The following ZNF346 variants were observed in gnomAD, a reference collection of about 807,000 sequenced individuals.
ZNF346 encodes zinc finger protein 346.
Under a neutral mutation model 33.7 loss-of-function variants are expected in ZNF346, and 23 were observed. The ratio of observed to expected loss-of-function variants is 0.68; its 90% CI spans 0.49 to 0.97. The LOEUF (loss-of-function observed/expected upper bound fraction) is 0.97. ZNF346 is among the 50% of genes least tolerant of loss of function. ZNF346 has a pLI of 0.00. For missense variants in ZNF346, 340 were observed against 371.1 expected (o/e 0.92, Z 0.69); for synonymous variants, 134 against 142.4 (o/e 0.94, Z 0.42).
chr5:177,041,058 G>A lies in ZNF346; in HGVS notation c.176-68G>A, dbSNP rs1779271571. ...TCATTCAGTGCCTGTGTTTGAGGCAGGGTTCAAAGGCAGTGCTGTTGAGGT... is the reference window on the plus strand; with the variant it reads ...TCATTCAGTGCCTGTGTTTGAGGCAAGGTTCAAAGGCAGTGCTGTTGAGGT... On this transcript the variant is annotated intron_variant, in intron 1 of 6. Transcript: ENST00000358149. 4.1e-6 allele frequency: 5 copies of A among 1,215,918 alleles called. No homozygotes were observed. The African/African-American group carries it at 4.5e-5, about 11-fold the overall frequency. The allele number at this position is 1,215,918 out of a possible 1,614,324, so 75.3% of individuals were successfully genotyped here.
chr5:177,052,465 T>TA (rs1283000901), intron 5 of ZNF346: 4 of 150,302 alleles, frequency 2.7e-5, no homozygotes, highest in African/African-American at 4.9e-5. Flanking sequence ...TTAGAGGCAT[T>TA]AGCCACCAAG....
At chr5:177,039,154 G>A (rs1779005166) in intron 1 of ZNF346, among the ~76,000 whole-genome samples, 1 of 151,892 alleles carries the variant, frequency 6.6e-6, no homozygotes. Flanking sequence ...GCCTCCCAAA[G>A]TGCTAAGATT....
intron 1 of ZNF346, among the ~76,000 whole-genome samples, chr5:177,027,002 A>T (rs1776878966): frequency 2.6e-5 from 4 of 152,132 alleles, no homozygotes; most frequent in Admixed American, 2.0e-4. Context: ...TCTCATTTTA[A>T]TATCTCTCTG....
intron 2 of ZNF346, 137 bp from the exon 3 acceptor site, chr5:177,041,641 G>C: frequency 1.6e-6 from 1 of 628,604 alleles, no homozygotes; most frequent in Non-Finnish European, 2.9e-6. Flanking sequence ...CACAGAGCAG[G>C]AACTCAAACT....
At chr5:177,078,338 T>C (rs1783849824) in intron 8 of ZNF346, among the ~76,000 whole-genome samples, 1 of 152,148 alleles carries the variant, frequency 6.6e-6, no homozygotes, top group South Asian at 2.1e-4. Flanking sequence ...TCAGAGGCTC[T>C]ACCTGGAGCT....
intron 4 of ZNF346, among the ~76,000 whole-genome samples, chr5:177,045,175 G>C (rs1779865667): frequency 6.6e-6 from 1 of 152,108 alleles, no homozygotes; most frequent in African/African-American, 2.4e-5. Flanking sequence ...TTTAACCTCT[G>C]CTAATTGCAA....
In ZNF346 at chr5:177,038,828, G is replaced by A. The variant is rs1778914896; in HGVS notation, c.176-2298G>A. Among the ~76,000 whole-genome samples, 4 of 151,596 alleles carry A rather than the reference G, an allele frequency of 2.6e-5. No homozygotes were observed. In the South Asian group the frequency reaches 8.3e-4, roughly 32 times the overall value. Reference sequence around the variant, plus strand: ...ACCTTCCCCATGTGGGTTTCTTATTGTGAGAAGCCTCTGACCCTCTTTTTT... The same window carrying A: ...ACCTTCCCCATGTGGGTTTCTTATTATGAGAAGCCTCTGACCCTCTTTTTT... On this transcript the variant is annotated intron_variant, in intron 1 of 6. Transcript: ENST00000358149.
In ZNF346 at chr5:177,079,224, A is replaced by G. The variant is rs563179588; in HGVS notation, c.*3-158A>G. ...GAGGTGGAGGTTGCAGCGAGCCAAG[A>G]TCATGCCACTGCACTGCAGCCCGGG... On this transcript the variant is annotated intron_variant, in intron 8 of 8. Coordinates refer to the ZNF346 transcript ENST00000503039. 1.3e-4 allele frequency among the ~76,000 whole-genome samples: 20 copies of G among 152,050 alleles called. No homozygotes were observed. In the South Asian group the frequency reaches 3.3e-3, roughly 25 times the overall value.
intron 8 of ZNF346, among the ~76,000 whole-genome samples, chr5:177,074,651 T>C (rs1050185802): frequency 6.6e-6 from 1 of 152,154 alleles, no homozygotes; most frequent in Non-Finnish European, 1.5e-5. Flanking sequence ...TTCACTATTT[T>C]GTGTAAGCAG....
intron 4 of ZNF346, among the ~76,000 whole-genome samples, chr5:177,045,834 A>G (rs10066419): frequency 0.023 from 3,535 of 152,086 alleles, 130 homozygotes; most frequent in African/African-American, 0.08. Flanking sequence ...CTAGTTATTC[A>G]TGGTATGAAA....
chr5:177,047,302 T>A (rs1780193928), intron 4 of ZNF346, among the ~76,000 whole-genome samples: 1 of 151,696 alleles, frequency 6.6e-6, no homozygotes, highest in Non-Finnish European at 1.5e-5. Context: ...TCTTACCGTA[T>A]GGTATGTACA....
intron 3 of ZNF346, chr5:177,042,172 T>C: frequency 4.5e-6 from 1 of 224,304 alleles, no homozygotes; most frequent in Non-Finnish European, 8.7e-6. Flanking sequence ...TACCGCCTAG[T>C]GGTTTGTTAG....
At position 177,050,945 on chromosome 5, in the gene ZNF346, G is replaced by A. The variant is rs1375685850; in HGVS notation, c.703+9G>A. On this transcript the variant is annotated intron_variant, in intron 5 of 6. Coordinates refer to ENST00000358149, the MANE Select transcript of ZNF346 (RefSeq NM_012279.4). ...TGTCACTGACTTTCCAGGTGAGGGG[G>A]CCTAGCTCACACCCAGAGCTGGACC... 6.2e-7 allele frequency: 1 copy of A among 1,610,680 alleles called. No homozygotes were observed. Among genetic ancestry groups the A allele is most frequent in the Admixed American group, 1.7e-5 (1 of 60,004 alleles).
intron 8 of ZNF346, among the ~76,000 whole-genome samples, chr5:177,074,288 T>C (rs535423442): frequency 7.9e-4 from 121 of 152,348 alleles, no homozygotes; most frequent in South Asian, 2.3e-3. Context: ...CCTCAGCTTA[T>C]GTAGTCCGGG....
At chr5:177,055,337 A>G (rs1452751981) in intron 5 of ZNF346, among the ~76,000 whole-genome samples, 1 of 151,970 alleles carries the variant, frequency 6.6e-6, no homozygotes, top group African/African-American at 2.4e-5. Context: ...ACTCGGCCCT[A>G]ATATGTAGAT....
chr5:177,047,146 T>A (rs982698378), intron 4 of ZNF346, among the ~76,000 whole-genome samples: 5 of 151,842 alleles, frequency 3.3e-5, no homozygotes, highest in African/African-American at 1.2e-4. Flanking sequence ...CCTCCTGGGT[T>A]CAAGCGATTC....
chr5:177,022,759 C>A lies in ZNF346; in HGVS notation c.21C>A (p.Ala7=). 1 of 1,557,136 alleles carries A rather than the reference C, an allele frequency of 6.4e-7. No homozygotes were observed. The highest frequency in any genetic ancestry group is 8.7e-7 in the Non-Finnish European group (1 of 1,154,802). The change falls in exon 1 of 7, where the codon GCC becomes GCA. Residue 7 remains alanine, a synonymous_variant. Coordinates refer to ENST00000358149, the MANE Select transcript of ZNF346 (RefSeq NM_012279.4). MEYPAP[A]TVQAADGGAA... ...GGAAGATGGAGTATCCCGCGCCGGC[C>A]ACGGTGCAGGCCGCGGACGGCGGAG...
At chr5:177,023,047 T>C (rs2149562274) in intron 1 of ZNF346, 134 bp downstream of exon 1, 2 of 1,445,254 alleles carry the variant, frequency 1.4e-6, no homozygotes, top group Non-Finnish European at 1.9e-6. Flanking sequence ...AGACTTGTGC[T>C]CCCCATCCGG....
At chr5:177,056,759 C>G in intron 5 of ZNF346, among the ~76,000 whole-genome samples, 1 of 118,066 alleles carries the variant, frequency 8.5e-6, no homozygotes, top group South Asian at 3.0e-4. Context: ...ACACCCAGGC[C>G]TGTCATGGGG....
Sources: gnomAD v4.1 joint callset for allele counts (sites outside exome capture counted in the v4.1 genomes callset) on GRCh38, gnomAD v4.1.1 for gene constraint, MANE v1.5 for transcripts, NCBI Gene and HGNC (gene_info 2026-07-23, HGNC 2026-07-21) for gene names.